NGEF: variants seen among roughly 807,000 people sequenced by gnomAD.
NGEF encodes ephexin-1.
NGEF carries 31 observed loss-of-function variants against 80.9 expected under a neutral mutation model. The ratio of observed to expected loss-of-function variants is 0.38; its 90% CI spans 0.29 to 0.52. The LOEUF is 0.52. Among genes scored for constraint, NGEF ranks in the 20% least tolerant of loss-of-function variants. The pLI is 0.84. For synonymous variants in NGEF, 371 were observed against 370.2 expected (o/e 1.00, Z -0.03); for missense variants, 709 against 926.2 (o/e 0.77, Z 3.04).
intron 5 of NGEF, among the ~76,000 whole-genome samples, chr2:232,905,355 C>CGGCCTCCTGAGGT (rs1559202722): frequency 6.6e-6 from 1 of 152,288 alleles, no homozygotes; most frequent in East Asian, 1.9e-4. Flanking sequence ...CCGCCAGCCT[C>CGGCCTCCTGAGGT]GGCCTCCCGA....
intron 8 of NGEF, among the ~76,000 whole-genome samples, chr2:232,888,357 G>A (rs1691765849): frequency 1.1e-5 from 1 of 91,876 alleles, no homozygotes; most frequent in African/African-American, 4.4e-5. Flanking sequence ...TGCAAGCAGT[G>A]TGCACACATG....
rs986007455 is a variant in NGEF at position 232,941,376 on chromosome 2, C to T, written c.384-14190G>A. 5.3e-5 allele frequency among the ~76,000 whole-genome samples: 8 copies of T among 152,274 alleles called. No homozygotes were observed. In the East Asian group the frequency reaches 1.3e-3, roughly 26 times the overall value. On this transcript the variant is annotated intron_variant, in intron 3 of 14. Transcript: ENST00000264051. ...TTAGTGCTGCAAAGGCAGTCTAGTC[C>T]CCAGGCAAGAAGGAGGTCTGCTTTG...
chr2:232,922,620 A>G (rs2106278856), intron 4 of NGEF, among the ~76,000 whole-genome samples: 1 of 152,364 alleles, frequency 6.6e-6, no homozygotes, highest in Admixed American at 6.5e-5. Context: ...TTGCGACGTC[A>G]AGCTATCACC....
intron 5 of NGEF, among the ~76,000 whole-genome samples, chr2:232,904,518 C>A (rs930969684): frequency 6.6e-6 from 1 of 152,222 alleles, no homozygotes; most frequent in African/African-American, 2.4e-5. Flanking sequence ...CGTGAGCCAC[C>A]ACACCCAGCC....
At chr2:232,968,337 C>T (rs1020109448) in intron 3 of NGEF, among the ~76,000 whole-genome samples, 4 of 151,994 alleles carry the variant, frequency 2.6e-5, no homozygotes, top group Non-Finnish European at 5.9e-5. Flanking sequence ...ATCTGCCCAC[C>T]TCGGCTTCCC....
rs181468562 is a variant in NGEF, at chr2:232,984,858, C to T, written c.-74-9894G>A. Among the ~76,000 whole-genome samples, 16 of 152,254 alleles carry T rather than the reference C, an allele frequency of 1.1e-4. No homozygotes were observed. The East Asian group carries it at 2.5e-3, about 24-fold the overall frequency. On this transcript the variant is annotated intron_variant, in intron 1 of 14. Transcript: ENST00000264051. ...CAGCTCTTCAAGGAACCAAAGGGCT[C>T]GGAGCGTAAGATTGAGAAGTTAATG...
intron 3 of NGEF, among the ~76,000 whole-genome samples, chr2:232,931,306 G>A (rs995560726): frequency 1.3e-5 from 2 of 152,176 alleles, no homozygotes; most frequent in South Asian, 2.1e-4. Flanking sequence ...GTGCCTCTCC[G>A]TTATTTGGTG....
chr2:233,001,928 T>C (rs1041278189), intron 1 of NGEF, among the ~76,000 whole-genome samples: 1 of 152,072 alleles, frequency 6.6e-6, no homozygotes, highest in African/African-American at 2.4e-5. Context: ...GGCAGGAGAA[T>C]TGCTTGAACC....
At chr2:232,965,171 A>G (rs1694031289) in intron 3 of NGEF, among the ~76,000 whole-genome samples, 1 of 152,206 alleles carries the variant, frequency 6.6e-6, no homozygotes, top group South Asian at 2.1e-4. Flanking sequence ...AATTGTTACC[A>G]GTCTTTGTGC....
chr2:232,882,244 C>T lies in NGEF; in HGVS notation c.1779G>A (p.Met593Ile). 1 of 1,613,770 alleles carries T rather than the reference C, an allele frequency of 6.2e-7. No homozygotes were observed. The highest frequency in any genetic ancestry group is 8.5e-7 in the Non-Finnish European group (1 of 1,179,890). ...ASSQSEMKRW[M>I]TSLAPNRRTK... is the part of the protein sequence containing the mutation. ...TCCTCCTGTTGGGGGCCAGTGAGGT[C>T]ATCCAACGCTTCATCTCACTCCTGG... is the stretch of plus-strand genomic sequence containing the variant. Residue 593 changes from methionine to isoleucine, a missense_variant, in exon 13 of 15, where the codon ATG becomes ATA. This residue lies in a region of NGEF where 426 missense variants were observed against 622.9 expected (regional missense o/e 0.68). Transcript: ENST00000264051.
intron 1 of NGEF, among the ~76,000 whole-genome samples, chr2:232,984,577 G>A (rs1170256378): frequency 1.3e-5 from 2 of 152,058 alleles, no homozygotes; most frequent in Non-Finnish European, 2.9e-5. Context: ...TAGACATTCC[G>A]GCCAGCAAAA....
chr2:232,969,466 C>CTTCT (rs1176392129), intron 3 of NGEF, among the ~76,000 whole-genome samples: 1 of 94,772 alleles, frequency 1.1e-5, no homozygotes, highest in East Asian at 3.1e-4. Context: ...TCCTTCCTTC[C>CTTCT]TTCCTTCTTC....
At chr2:232,880,326 A>G (rs1691455154) in intron 14 of NGEF, among the ~76,000 whole-genome samples, 1 of 152,194 alleles carries the variant, frequency 6.6e-6, no homozygotes, top group South Asian at 2.1e-4. Context: ...GCCGATCTGT[A>G]GCATATCCCA....
intron 3 of NGEF, among the ~76,000 whole-genome samples, chr2:232,952,858 A>C (rs1559221908): frequency 6.7e-6 from 1 of 149,548 alleles, no homozygotes; most frequent in Admixed American, 6.8e-5. Context: ...AATCCCAGCT[A>C]CTCCAGAGGC....
intron 3 of NGEF, among the ~76,000 whole-genome samples, chr2:232,968,786 A>G (rs1208475008): frequency 6.6e-6 from 1 of 152,202 alleles, no homozygotes; most frequent in Non-Finnish European, 1.5e-5. Flanking sequence ...TTTGGCTAAT[A>G]AGATATCAGC....
At chr2:232,951,380 G>C (rs1351884930) in intron 3 of NGEF, among the ~76,000 whole-genome samples, 1 of 152,162 alleles carries the variant, frequency 6.6e-6, no homozygotes, top group African/African-American at 2.4e-5. Flanking sequence ...CGCACCCACA[G>C]ATTCTTAGCT....
rs1691583291 is a variant in NGEF at position 232,883,553 on chromosome 2, C to G, written c.1602-87G>C. 3 of 1,309,558 alleles carry G rather than the reference C, an allele frequency of 2.3e-6. No individual in the cohort carries two copies. The South Asian group carries it at 4.7e-5, about 21-fold the overall frequency. The allele number at this position is 1,309,558 out of a possible 1,614,324, so 81.1% of individuals were successfully genotyped here. ...GAGCCCCACTTGGCAGGCCAACAAG[C>G]CTGGCTCCACAGCGCTGGCTGATCT... is the stretch of plus-strand genomic sequence containing the variant. On this transcript the variant is annotated intron_variant, in intron 11 of 14. Transcript: ENST00000264051.
At chr2:232,912,521 G>T (rs377589256) in intron 5 of NGEF, among the ~76,000 whole-genome samples, 1 of 152,100 alleles carries the variant, frequency 6.6e-6, no homozygotes, top group South Asian at 2.1e-4. Context: ...GGTGATGCTG[G>T]CCTTATAAAA....
intron 3 of NGEF, among the ~76,000 whole-genome samples, chr2:232,944,910 C>T (rs1325225467): frequency 6.6e-6 from 1 of 151,678 alleles, no homozygotes; most frequent in East Asian, 1.9e-4. Context: ...TGCCACCACA[C>T]CGGCCTAATT....
Sources: gnomAD v4.1 joint callset for allele counts (sites outside exome capture counted in the v4.1 genomes callset) on GRCh38, gnomAD v4.1.1 for gene constraint, gnomAD v4.1.1 regional missense constraint, MANE v1.5 for transcripts, NCBI Gene and HGNC (gene_info 2026-07-23, HGNC 2026-07-21) for gene names.